The following SLC38A12 variants were observed in gnomAD, a reference collection of about 807,000 sequenced individuals.
SLC38A12 encodes the protein putative sodium-coupled neutral amino acid transporter 12.
At chr17:74,822,686 G>GTTCT in the SLC38A12 span, among the ~76,000 whole-genome samples, 1 of 152,204 alleles carries the variant, frequency 6.6e-6, no homozygotes, top group Admixed American at 6.5e-5. Context: ...CCTTTCTGTG[G>GTTCT]CACAGCCCTC....
the SLC38A12 span, among the ~76,000 whole-genome samples, chr17:74,807,511 C>G: frequency 5.9e-5 from 9 of 152,252 alleles, no homozygotes; most frequent in Admixed American, 3.9e-4. Flanking sequence ...CAGCTAGTGG[C>G]TGCTGCTTCT....
At chr17:74,825,630 G>A in the SLC38A12 span, among the ~76,000 whole-genome samples, 2 of 152,212 alleles carry the variant, frequency 1.3e-5, no homozygotes, top group African/African-American at 2.4e-5. Context: ...ATCTGTGTAC[G>A]GCCGAGATGG....
chr17:74,839,151 A>G, the SLC38A12 span: 1 of 1,515,160 alleles, frequency 6.6e-7, no homozygotes, highest in African/African-American at 1.4e-5. Context: ...ACCTGAGGCT[A>G]GAGCAGCAGC....
chr17:74,836,520 G>A, the SLC38A12 span: 1 of 1,612,810 alleles, frequency 6.2e-7, no homozygotes, highest in Non-Finnish European at 8.5e-7. The surrounding 1 kb of genome is among the most constrained non-coding windows in gnomAD (Gnocchi z 4.2). Flanking sequence ...CGCCTTCCTG[G>A]TGTACCACTG....
chr17:74,789,845 CAAAAAA>C, the SLC38A12 span, among the ~76,000 whole-genome samples: 1 of 47,412 alleles, frequency 2.1e-5, no homozygotes, highest in African/African-American at 7.3e-5. Flanking sequence ...AACTTCGTCT[CAAAAAA>C]AAAAAAAAAA....
the SLC38A12 span, among the ~76,000 whole-genome samples, chr17:74,811,425 C>T: frequency 0.3 from 45,674 of 151,922 alleles, 7,256 homozygotes; most frequent in East Asian, 0.42. Flanking sequence ...TAGAATAGTA[C>T]TGGGGGCCAG....
At chr17:74,784,966 T>TA in the SLC38A12 span, among the ~76,000 whole-genome samples, 87,788 of 151,702 alleles carry the variant, frequency 0.58, 25,844 homozygotes, top group Non-Finnish European at 0.64. Context: ...ACTTTTTTTT[T>TA]AAAAACCCTG....
the SLC38A12 span, among the ~76,000 whole-genome samples, chr17:74,834,075 C>G: frequency 6.6e-6 from 1 of 152,088 alleles, no homozygotes; most frequent in Non-Finnish European, 1.5e-5. Context: ...GACACAACTC[C>G]TGTGGGGTGG....
chr17:74,839,431 T>G, the SLC38A12 span: 1 of 294,322 alleles, frequency 3.4e-6, no homozygotes. Context: ...TGGGGGCAGA[T>G]TCCCAAGCAA....
the SLC38A12 span, among the ~76,000 whole-genome samples, chr17:74,794,708 TGCCAA>T: frequency 7.6e-4 from 115 of 152,186 alleles, no homozygotes; most frequent in Admixed American, 1.5e-3. Flanking sequence ...ACCCCAGCCA[TGCCAA>T]GACTCACACT....
chr17:74,823,699 C>A, the SLC38A12 span, among the ~76,000 whole-genome samples: 2 of 152,352 alleles, frequency 1.3e-5, no homozygotes, highest in Admixed American at 6.5e-5. Flanking sequence ...GTTGTTCAGG[C>A]CCTGGCAGAC....
At chr17:74,826,864 G>A in the SLC38A12 span, among the ~76,000 whole-genome samples, 1 of 152,184 alleles carries the variant, frequency 6.6e-6, no homozygotes, top group Non-Finnish European at 1.5e-5. Context: ...AGATGCTGGC[G>A]GTGGTGGGGG....
the SLC38A12 span, among the ~76,000 whole-genome samples, chr17:74,795,819 C>G: frequency 6.6e-6 from 1 of 152,194 alleles, no homozygotes; most frequent in African/African-American, 2.4e-5. Flanking sequence ...GAGTCTAGCC[C>G]CCAAGGTTCC....
At chr17:74,838,802 C>G in the SLC38A12 span, 1 of 1,502,528 alleles carries the variant, frequency 6.7e-7, no homozygotes, top group Non-Finnish European at 8.9e-7. Context: ...GATGCTGGCT[C>G]TCCACGTGCA....
the SLC38A12 span, among the ~76,000 whole-genome samples, chr17:74,798,068 G>T: frequency 6.6e-6 from 1 of 152,220 alleles, no homozygotes; most frequent in Non-Finnish European, 1.5e-5. Context: ...CAGCAAGGCA[G>T]CGAGCAGGTC....
At chr17:74,804,521 G>C in the SLC38A12 span, among the ~76,000 whole-genome samples, 23 of 152,358 alleles carry the variant, frequency 1.5e-4, no homozygotes, top group Non-Finnish European at 3.2e-4. Flanking sequence ...GATGATATCG[G>C]ATGAATTAGC....
the SLC38A12 span, among the ~76,000 whole-genome samples, chr17:74,787,638 A>G: frequency 6.6e-6 from 1 of 151,952 alleles, no homozygotes; most frequent in Non-Finnish European, 1.5e-5. Flanking sequence ...CAAAAAAAAA[A>G]AAAAAGAAAG....
the SLC38A12 span, chr17:74,777,276 C>T: frequency 6.2e-7 from 1 of 1,608,530 alleles, no homozygotes; most frequent in Non-Finnish European, 8.5e-7. Context: ...GCTGCGGCAG[C>T]CGCCGTCCTT....
At chr17:74,779,883 A>G in the SLC38A12 span, among the ~76,000 whole-genome samples, 5 of 152,182 alleles carry the variant, frequency 3.3e-5, no homozygotes, top group Non-Finnish European at 7.4e-5. Context: ...TATTTGTAAC[A>G]AGCAGACGAA....
Sources: allele counts gnomAD v4.1 joint callset (sites outside exome capture counted in the v4.1 genomes callset), GRCh38; gene constraint gnomAD v4.1.1; non-coding constraint Gnocchi (gnomAD v3.1); transcripts MANE v1.5; gene names NCBI Gene and HGNC (gene_info 2026-07-23, HGNC 2026-07-21).